The following HACL1 variants were observed in gnomAD, a reference collection of about 807,000 sequenced individuals.
HACL1 encodes 1600020H07Rik.
In HACL1, 64 loss-of-function variants were observed where a neutral mutation model predicts 74.2. The ratio of observed to expected loss-of-function variants is 0.86; its 90% CI spans 0.70 to 1.06. HACL1 has a LOEUF of 1.06. Among genes scored for constraint, HACL1 ranks in the 50% least tolerant of loss-of-function variants. The pLI, the probability that HACL1 is intolerant of heterozygous loss-of-function variation, is 0.00. For synonymous variants in HACL1, 230 were observed against 238.8 expected (o/e 0.96, Z 0.34); for missense variants, 728 against 719.7 (o/e 1.01, Z -0.13).
chr3:15,577,245 G>A (rs896598182), intron 9 of HACL1, among the ~76,000 whole-genome samples: 1 of 152,126 alleles, frequency 6.6e-6, no homozygotes, highest in Admixed American at 6.5e-5. Flanking sequence ...AGCACTTTGG[G>A]AGGCCAAGGT....
chr3:15,580,542 C>A (rs952376867), intron 8 of HACL1, among the ~76,000 whole-genome samples: 5 of 152,212 alleles, frequency 3.3e-5, no homozygotes, highest in African/African-American at 7.2e-5. Flanking sequence ...ACCAATAACA[C>A]TCTCAATTAT....
In HACL1 at chr3:15,585,136, T is replaced by C. The variant is rs73148177; in HGVS notation, c.554+112A>G. 997 of 584,790 alleles carry C rather than the reference T, an allele frequency of 1.7e-3. 6 individuals are homozygous for C. Among genetic ancestry groups the C allele is most frequent in the African/African-American group, 0.016 (847 of 52,008 alleles). The allele number at this position is 584,790 out of a possible 1,614,324, so 36.2% of individuals were successfully genotyped here. Reference sequence around the variant, plus strand: ...CAGTTTAATTACTAAATAATCAAGTTAAGACAAATGGAAATTAACTTATAA... The same window carrying C: ...CAGTTTAATTACTAAATAATCAAGTCAAGACAAATGGAAATTAACTTATAA... On this transcript the variant is annotated intron_variant, in intron 7 of 16. Transcript: ENST00000321169.
chr3:15,601,376 A>G lies in HACL1; in HGVS notation c.81+7T>C. The stretch of plus-strand genomic sequence containing the variant: ...GGAGCCTTTCATTCCAGGAAGGTCC[A>G]TCGTACTTGCGTTTTCAGGGCCTGA... On this transcript the variant is annotated splice_region_variant and intron_variant, in intron 1 of 16. Coordinates refer to ENST00000321169, the MANE Select transcript of HACL1 (RefSeq NM_012260.4). 1.2e-6 allele frequency: 2 copies of G among 1,614,142 alleles called. No individual in the cohort carries two copies. The highest frequency in any genetic ancestry group is 8.5e-7 in the Non-Finnish European group (1 of 1,180,024).
chr3:15,587,154 G>A (rs113730270), intron 5 of HACL1, among the ~76,000 whole-genome samples: 4,076 of 151,398 alleles, frequency 0.027, 188 homozygotes, highest in African/African-American at 0.093. Context: ...TTCTCTTGAT[G>A]TTTTAGTATG....
At chr3:15,571,143 TTTTC>T (rs901216265) in intron 12 of HACL1, among the ~76,000 whole-genome samples, 1 of 150,850 alleles carries the variant, frequency 6.6e-6, no homozygotes, top group African/African-American at 2.5e-5. Flanking sequence ...CACATCTGGC[TTTTC>T]TTTTTTTTTT....
chr3:15,581,767 G>A (rs544920360), intron 8 of HACL1, among the ~76,000 whole-genome samples: 2 of 152,138 alleles, frequency 1.3e-5, no homozygotes, highest in African/African-American at 4.8e-5. Flanking sequence ...CTTGTTACCA[G>A]GTCTATCTCC....
chr3:15,586,690 T>G, intron 5 of HACL1, 88 bp from the exon 6 acceptor site: 1 of 787,134 alleles, frequency 1.3e-6, no homozygotes, highest in Non-Finnish European at 2.2e-6. Flanking sequence ...CATTAATTTC[T>G]TTTATGTTTA....
intron 16 of HACL1, among the ~76,000 whole-genome samples, chr3:15,561,258 G>C (rs542956081): frequency 2.6e-5 from 4 of 152,220 alleles, no homozygotes; most frequent in African/African-American, 4.8e-5. Context: ...ACTGTGCACG[G>C]AAGTCTTTTC....
chr3:15,572,247 G>A (rs1246700553), intron 11 of HACL1, among the ~76,000 whole-genome samples: 1 of 152,068 alleles, frequency 6.6e-6, no homozygotes, highest in African/African-American at 2.4e-5. Context: ...TTTTCTTCCA[G>A]TTAGTAAACA....
intron 16 of HACL1, among the ~76,000 whole-genome samples, chr3:15,561,923 G>A (rs1039312425): frequency 3.9e-5 from 6 of 152,082 alleles, no homozygotes; most frequent in Admixed American, 3.3e-4. Flanking sequence ...CAAGTGATCC[G>A]CCCACCTTGG....
intron 3 of HACL1, 26 bp from the exon 4 acceptor site, chr3:15,591,706 A>T: frequency 5.4e-6 from 8 of 1,471,358 alleles, no homozygotes; most frequent in Admixed American, 1.7e-5. Flanking sequence ...AATTTATTAA[A>T]ATCAGGTCAA....
At chr3:15,598,016 G>GTTTTTTTTTTTTT (rs1417771240) in intron 2 of HACL1, among the ~76,000 whole-genome samples, 1 of 150,102 alleles carries the variant, frequency 6.7e-6, no homozygotes, top group African/African-American at 2.5e-5. Context: ...ATTTTGTTTT[G>GTTTTTTTTTTTTT]TTTTGTTTTT....
At chr3:15,565,244 G>A (rs2063413130) in intron 14 of HACL1, among the ~76,000 whole-genome samples, 1 of 151,904 alleles carries the variant, frequency 6.6e-6, no homozygotes, top group Non-Finnish European at 1.5e-5. Context: ...TTCTGAATCT[G>A]GGTTTTCATA....
intron 14 of HACL1, among the ~76,000 whole-genome samples, chr3:15,566,469 T>C (rs908878751): frequency 6.6e-6 from 1 of 152,076 alleles, no homozygotes; most frequent in African/African-American, 2.4e-5. Context: ...GTGTGGCCAA[T>C]ATGGCAAAGC....
In HACL1 at chr3:15,591,635, G is replaced by C; in HGVS notation, c.273C>G (p.Ala91=). The part of the protein sequence containing the change: ...LVVSGPGLIH[A]LGGMANANMN... The stretch of plus-strand genomic sequence containing the variant: ...TGTTTGCATTTGCCATACCGCCCAA[G>C]GCATGGATGAGACCTGGGCCAGAAA... The change falls in exon 4 of 17, where the codon GCC becomes GCG. Residue 91 remains alanine (A), a synonymous_variant. Coordinates refer to ENST00000321169, the MANE Select transcript of HACL1 (RefSeq NM_012260.4). The C allele has an allele frequency of 6.2e-7, 1 of 1,611,126 alleles. No homozygotes were observed. The highest frequency in any genetic ancestry group is 1.1e-5 in the South Asian group (1 of 90,996).
chr3:15,578,967 T>C (rs985434268), intron 9 of HACL1, among the ~76,000 whole-genome samples: 1 of 152,206 alleles, frequency 6.6e-6, no homozygotes, highest in African/African-American at 2.4e-5. Flanking sequence ...CCAGTACATG[T>C]CTGGGGCTCA....
intron 3 of HACL1, among the ~76,000 whole-genome samples, chr3:15,594,423 T>TG (rs1419232056): frequency 6.6e-6 from 1 of 152,162 alleles, no homozygotes; most frequent in Non-Finnish European, 1.5e-5. Context: ...ATATTGAACT[T>TG]GAATGTTTTA....
chr3:15,574,865 AAG>A (rs1452508435), intron 10 of HACL1, 110 bp downstream of exon 10: 3 of 513,732 alleles, frequency 5.8e-6, no homozygotes, highest in Admixed American at 6.5e-5. Context: ...CTTGTGTAAA[AAG>A]AGAACAGTTT....
At position 15,567,938 on chromosome 3, in the gene HACL1, C is replaced by T. The variant is rs1242010441; in HGVS notation, c.1315G>A (p.Val439Met). 1 of 1,613,834 alleles carries T rather than the reference C, an allele frequency of 6.2e-7. No individual in the cohort carries two copies. The highest frequency in any genetic ancestry group is 1.3e-5 in the African/African-American group (1 of 74,936). The change falls in exon 14 of 17, where the codon GTG becomes ATG. Residue 439 changes from valine to methionine, a missense_variant. Val to Met is a conservative substitution (Grantham distance 21, BLOSUM62 1). Transcript: ENST00000321169. ...GLGFAIAAAV[V>M]AKDRSPGQWI... ...TGCCCAGGGCTTCTATCTTTAGCCA[C>T]CACGGCAGCTGCAATAGCAAATCCC...
Sources: allele counts gnomAD v4.1 joint callset (sites outside exome capture counted in the v4.1 genomes callset), GRCh38; gene constraint gnomAD v4.1.1; transcripts MANE v1.5; gene names NCBI Gene and HGNC (gene_info 2026-07-23, HGNC 2026-07-21).